Variants in CD300LG observed in about 807,000 individuals in gnomAD.
The protein encoded by CD300LG is CMRF35-like molecule 9.
A neutral mutation model predicts 31.5 loss-of-function variants in CD300LG; 29 were observed. The ratio of observed to expected loss-of-function variants is 0.92; its 90% CI spans 0.68 to 1.25. The LOEUF is 1.25. CD300LG is among the 50% of genes most tolerant of loss of function. CD300LG has a pLI of 0.00. For missense variants in CD300LG, 396 were observed against 417.6 expected, an observed-to-expected ratio of 0.95 and a Z score of 0.45; for synonymous variants, 175 against 177.2, an observed-to-expected ratio of 0.99 and a Z score of 0.10.
chr17:43,848,690 C>T lies in CD300LG; in HGVS notation c.176C>T (p.Ser59Phe), dbSNP rs371238467. The T allele has an allele frequency of 1.2e-6, 2 of 1,614,162 alleles. No homozygotes were observed. The highest frequency in any genetic ancestry group is 1.1e-5 in the South Asian group (1 of 91,086). Residue 59 changes from serine (S) to phenylalanine (F), a missense_variant, in exon 2 of 7, where the codon TCT becomes TTT. By Grantham distance (155) the Ser-to-Phe change is radical. Coordinates refer to ENST00000317310, the MANE Select transcript of CD300LG (RefSeq NM_145273.4). ...TGCAGGAAGGGTGGGATCCTCTTCT[C>T]TCGCTGCTCTGGCACCATCTATGCA... is the stretch of plus-strand genomic sequence containing the variant. ...YWCRKGGILF[S>F]RCSGTIYAEE...
chr17:43,855,271 G>A lies in CD300LG; in HGVS notation c.784G>A (p.Ala262Thr), dbSNP rs184299869. 125 of 1,607,212 alleles carry A rather than the reference G, an allele frequency of 7.8e-5. No homozygotes were observed. The highest frequency in any genetic ancestry group is 2.5e-4 in the East Asian group (11 of 44,610). ...GGTGCTGCTGAGCCTTCTGTCAGCC[G>A]CAGGCCTGATCGCCTTCTGCAGCCA... The part of the protein sequence containing the change: ...VLVLLSLLSA[A>T]GLIAFCSHLL... The change falls in exon 5 of 7, where the codon GCA becomes ACA. Residue 262 changes from alanine to threonine, a missense_variant. Transcript: ENST00000317310.
intron 4 of CD300LG, among the ~76,000 whole-genome samples, chr17:43,854,707 C>A (rs889160209): frequency 1.3e-5 from 2 of 152,134 alleles, no homozygotes; most frequent in African/African-American, 4.8e-5. Flanking sequence ...TCCCCACACA[C>A]CACTGCATGA....
At position 43,862,243 on chromosome 17, in the gene CD300LG, A is replaced by G; in HGVS notation, c.*332A>G. 1 of 174,022 alleles carries G rather than the reference A, an allele frequency of 5.7e-6. No homozygotes were observed. The highest frequency in any genetic ancestry group is 1.2e-5 in the Non-Finnish European group (1 of 82,664). 10.8% of individuals were successfully genotyped at this position (174,022 alleles called of 1,614,324 possible). A position where few individuals can be genotyped will look rare whatever the true frequency, so the allele number is the denominator to read the frequency against. On this transcript the variant is annotated 3_prime_UTR_variant, in exon 7 of 7. Transcript: ENST00000317310. ...TGGTCTGAGTTTCAATCTGCCAGGA[A>G]CTCCTGGGCCTCATGCCCAGTGTCG... is the stretch of plus-strand genomic sequence containing the variant.
At chr17:43,851,573 C>T (rs1478545425) in intron 2 of CD300LG, among the ~76,000 whole-genome samples, 7 of 150,958 alleles carry the variant, frequency 4.6e-5, no homozygotes, top group African/African-American at 1.7e-4. Context: ...AAGTGGGGAC[C>T]GGAGTAGCTC....
At chr17:43,853,621 C>G (rs1354141962) in intron 3 of CD300LG, among the ~76,000 whole-genome samples, 186 bp from the exon 4 acceptor site, 2 of 152,114 alleles carry the variant, frequency 1.3e-5, no homozygotes, top group Non-Finnish European at 2.9e-5. Flanking sequence ...TGTGCCTGAT[C>G]TACGGTCTCC....
At chr17:43,861,068 T>C in intron 6 of CD300LG, 1 of 984,626 alleles carries the variant, frequency 1.0e-6, no homozygotes, top group Non-Finnish European at 1.2e-6. Flanking sequence ...TTGCTTGGGC[T>C]TGGCTGGGCT....
rs1202476051 is a variant in CD300LG at position 43,853,936 on chromosome 17, AC to A, written c.614del (p.Pro205GlnfsTer52). 6.2e-7 allele frequency: 1 copy of A among 1,614,008 alleles called. No individual in the cohort carries two copies. Among genetic ancestry groups the A allele is most frequent in the Non-Finnish European group, 8.5e-7 (1 of 1,179,994 alleles). Reference protein sequence around the residue: ...RTSQYTGTSPHPATSPPAGSS... With the variant: ...RTSQYTGTSPXPATSPPAGSS... The stretch of plus-strand genomic sequence containing the variant: ...TCTCAGTACACAGGAACCTCTCCTC[AC>A]CCAGCGACCTCTCCTCCTGCAGGGA... On this transcript the variant is annotated frameshift_variant, in exon 4 of 7. Transcript: ENST00000317310. LOFTEE classifies it high-confidence loss of function.
intron 2 of CD300LG, chr17:43,849,284 G>A: frequency 3.0e-6 from 1 of 335,910 alleles, no homozygotes; most frequent in South Asian, 9.2e-5. Flanking sequence ...CCGAGGCTGG[G>A]CCAACCATTG....
At chr17:43,857,817 C>T (rs2046569093) in intron 6 of CD300LG, 1 of 1,537,252 alleles carries the variant, frequency 6.5e-7, no homozygotes. Context: ...TCTGAGCCTG[C>T]CTTGGCTCTG....
intron 6 of CD300LG, among the ~76,000 whole-genome samples, chr17:43,860,607 G>A (rs1333246184): frequency 6.6e-6 from 1 of 152,226 alleles, no homozygotes; most frequent in Non-Finnish European, 1.5e-5. Flanking sequence ...CACTGACCCT[G>A]GACTACCTGC....
chr17:43,858,484 C>T, intron 6 of CD300LG: 1 of 985,378 alleles, frequency 1.0e-6, no homozygotes, highest in Non-Finnish European at 1.2e-6. Context: ...CTGCTTTGGG[C>T]TTTTTCCTGC....
At chr17:43,852,790 G>A in intron 2 of CD300LG, 122 bp from the exon 3 acceptor site, 1 of 673,500 alleles carries the variant, frequency 1.5e-6, no homozygotes, top group Admixed American at 3.0e-5. Context: ...GGTTGGCCGA[G>A]GCGAAAGATG....
chr17:43,853,488 G>A (rs1165782179), intron 3 of CD300LG, among the ~76,000 whole-genome samples: 1 of 152,152 alleles, frequency 6.6e-6, no homozygotes, highest in Non-Finnish European at 1.5e-5. Flanking sequence ...GGGCAGGAAG[G>A]TGTCCACTGA....
At position 43,863,413 on chromosome 17, in the gene CD300LG, A is replaced by G. The variant is rs137979589; in HGVS notation, c.*1502A>G. On this transcript the variant is annotated 3_prime_UTR_variant, in exon 7 of 7. Coordinates refer to ENST00000317310, the MANE Select transcript of CD300LG (RefSeq NM_145273.4). ...GAAAAGGAAGAAAAAAATGTCACCCATAGTCTCACCAGAGACTATCATTAT... is the reference window on the plus strand; with the variant it reads ...GAAAAGGAAGAAAAAAATGTCACCCGTAGTCTCACCAGAGACTATCATTAT... 169 of 152,352 alleles carry G rather than the reference A, an allele frequency of 1.1e-3. No individual in the cohort carries two copies. The highest frequency in any genetic ancestry group is 3.8e-3 in the African/African-American group (156 of 41,588). 9.4% of individuals were successfully genotyped at this position (152,352 alleles called of 1,614,324 possible). A position where few individuals can be genotyped will look rare whatever the true frequency, so the allele number is the denominator to read the frequency against.
Position 43,857,106 on chromosome 17 carries a change from C to G in CD300LG, c.835C>G (p.Gln279Glu). The G allele has an allele frequency of 6.2e-7, 1 of 1,614,096 alleles. No individual in the cohort carries two copies. Among genetic ancestry groups the G allele is most frequent in the Non-Finnish European group, 8.5e-7 (1 of 1,180,002 alleles). Residue 279 changes from glutamine to glutamate, a missense_variant and splice_region_variant, in exon 6 of 7, where the codon CAA becomes GAA. Physicochemically the swap from Gln to Glu is conservative, Grantham distance 29 (BLOSUM62 2). Transcript: ENST00000317310. ...SHLLLWRKEA[Q>E]QATETQRNEK... ...TCCTCCTTCTACATCTCTTTCAGCT[C>G]AACAGGCCACGGAGACACAGAGGAA...
intron 3 of CD300LG, among the ~76,000 whole-genome samples, chr17:43,853,570 T>C (rs2046421166): frequency 6.6e-6 from 1 of 152,040 alleles, no homozygotes; most frequent in African/African-American, 2.4e-5. Context: ...CAACAAGCTG[T>C]GGGCACAGAA....
intron 2 of CD300LG, among the ~76,000 whole-genome samples, chr17:43,851,447 A>G (rs2046351506): frequency 6.6e-6 from 1 of 152,050 alleles, no homozygotes; most frequent in African/African-American, 2.4e-5. Context: ...TCTGTTCCCA[A>G]GCATTTTTGG....
intron 6 of CD300LG, among the ~76,000 whole-genome samples, chr17:43,859,942 C>G (rs956416542): frequency 3.3e-5 from 5 of 152,146 alleles, no homozygotes; most frequent in Admixed American, 2.6e-4. Flanking sequence ...CACTATGTTG[C>G]CCAGGTTGGT....
intron 3 of CD300LG, among the ~76,000 whole-genome samples, chr17:43,853,221 G>C (rs548109866): frequency 6.6e-6 from 1 of 152,186 alleles, no homozygotes; most frequent in Non-Finnish European, 1.5e-5. Context: ...GATCCCAGAA[G>C]TGGTCACAGC....
Sources: gnomAD v4.1 joint callset for allele counts (sites outside exome capture counted in the v4.1 genomes callset) on GRCh38, gnomAD v4.1.1 for gene constraint, MANE v1.5 for transcripts, NCBI Gene and HGNC (gene_info 2026-07-23, HGNC 2026-07-21) for gene names.